The following DNAJB1 variants were observed in gnomAD, a reference collection of about 807,000 sequenced individuals.
DNAJB1 encodes the protein DnaJ heat shock protein family (Hsp40) member B1.
In DNAJB1, 14 loss-of-function variants were observed where a neutral mutation model predicts 24.0. The ratio of observed to expected loss-of-function variants is 0.58; its 90% CI spans 0.39 to 0.91. The LOEUF (loss-of-function observed/expected upper bound fraction) is 0.91. Ranked by LOEUF, DNAJB1 falls within the 40% of genes least tolerant of loss-of-function variation. DNAJB1 has a pLI of 0.00. For missense variants in DNAJB1, 517 were observed against 458.1 expected (o/e 1.13, Z -1.17); for synonymous variants, 262 against 174.4 (o/e 1.50, Z -3.96).
chr19:14,517,391 GT>G, intron 1 of DNAJB1: 1 of 228,570 alleles, frequency 4.4e-6, no homozygotes, highest in South Asian at 1.2e-4. Context: ...TTCGGTAAGT[GT>G]TTACTCTCAA....
intron 1 of DNAJB1, among the ~76,000 whole-genome samples, chr19:14,540,456 G>A (rs910251453): frequency 1.3e-5 from 2 of 151,010 alleles, no homozygotes; most frequent in Admixed American, 6.6e-5. Context: ...GCAGTGGTGC[G>A]ATCTTGGCTC....
At chr19:14,547,854 G>T (rs1328007609) in intron 1 of DNAJB1, among the ~76,000 whole-genome samples, 1 of 150,648 alleles carries the variant, frequency 6.6e-6, no homozygotes, top group African/African-American at 2.4e-5. Flanking sequence ...TAGAAATGGG[G>T]TCTTGCGATG....
upstream of DNAJB1, chr19:14,530,043 T>C: frequency 2.2e-6 from 1 of 456,014 alleles, no homozygotes; most frequent in African/African-American, 2.0e-5. Context: ...TGCGGGACCC[T>C]TGCTCCCAAT....
chr19:14,527,972 C>T (rs1259355275), intron 1 of DNAJB1, among the ~76,000 whole-genome samples: 1 of 151,934 alleles, frequency 6.6e-6, no homozygotes, highest in African/African-American at 2.4e-5. Context: ...CTCACTGCAA[C>T]CTCCACCTCC....
intron 1 of DNAJB1, among the ~76,000 whole-genome samples, chr19:14,543,478 G>A (rs1460834436): frequency 2.7e-4 from 29 of 105,932 alleles, no homozygotes; most frequent in African/African-American, 1.0e-3. Context: ...TCGCTCTGTC[G>A]CCCAGGCTGG....
upstream of DNAJB1, among the ~76,000 whole-genome samples, chr19:14,522,683 G>GACACACAGACAC (rs751484199): frequency 0.012 from 1,444 of 117,876 alleles, 10 homozygotes; most frequent in South Asian, 0.036. Context: ...CACACACACA[G>GACACACAGACAC]ACACACACAC....
At chr19:14,518,005 G>T in intron 1 of DNAJB1, 134 bp downstream of exon 1, 1 of 999,036 alleles carries the variant, frequency 1.0e-6, no homozygotes, top group Non-Finnish European at 1.3e-6. Flanking sequence ...GGAGGCCCGC[G>T]AGGCCGGAGG....
intron 1 of DNAJB1, among the ~76,000 whole-genome samples, chr19:14,555,352 G>A (rs1403168977): frequency 6.6e-6 from 1 of 150,912 alleles, no homozygotes; most frequent in African/African-American, 2.4e-5. Context: ...GGGTTCAAGC[G>A]ATTCTCCTGC....
At chr19:14,559,129 A>C (rs1451383873) in intron 1 of DNAJB1, among the ~76,000 whole-genome samples, 2 of 152,054 alleles carry the variant, frequency 1.3e-5, no homozygotes, top group African/African-American at 2.4e-5. Flanking sequence ...TTTTATTTTG[A>C]TGGGTATGTG....
At chr19:14,542,139 G>T (rs2073115615) in intron 1 of DNAJB1, among the ~76,000 whole-genome samples, 1 of 151,788 alleles carries the variant, frequency 6.6e-6, no homozygotes, top group Non-Finnish European at 1.5e-5. Flanking sequence ...ATGAATTATT[G>T]TTTTTAGTAG....
At chr19:14,555,695 C>A (rs554076772) in intron 1 of DNAJB1, among the ~76,000 whole-genome samples, 2 of 152,230 alleles carry the variant, frequency 1.3e-5, no homozygotes, top group East Asian at 3.9e-4. Flanking sequence ...CCCACCTCAG[C>A]CTCCCAAAGT....
upstream of DNAJB1, among the ~76,000 whole-genome samples, chr19:14,551,933 C>T (rs867505483): frequency 2.4e-4 from 24 of 98,800 alleles, no homozygotes; most frequent in South Asian, 0.012. Flanking sequence ...CTCCCTCTCT[C>T]TCTCCCTCCC....
intron 1 of DNAJB1, chr19:14,527,943 T>C (rs1408725328): frequency 6.6e-6 from 1 of 152,116 alleles, no homozygotes; most frequent in Non-Finnish European, 1.5e-5. Flanking sequence ...CAGGCTGGAG[T>C]GCAGTGGTGC....
rs1022196233 is a variant in DNAJB1 at position 14,537,251 on chromosome 19, A to G, written c.-213-9441T>C. 2.3e-4 allele frequency among the ~76,000 whole-genome samples: 4 copies of G among 17,100 alleles called. No individual in the cohort carries two copies. The South Asian group carries it at 5.2e-3, about 22-fold the overall frequency. The allele number at this position is 17,100 out of a possible 152,430, so 11.2% of individuals were successfully genotyped here. A position where few individuals can be genotyped will look rare whatever the true frequency, so the allele number is the denominator to read the frequency against. ...GGCAAGAAGGAAGCGGCGGGCCTGG[A>G]TGGGGGAGGCGGGACCAGGGAGGGG... On this transcript the variant is annotated intron_variant, in intron 1 of 3. Coordinates refer to the DNAJB1 transcript ENST00000676982.
In DNAJB1 at chr19:14,514,844, G is replaced by C. The variant is rs1305101103; in HGVS notation, c.*1096C>G. 6.6e-6 allele frequency: 1 copy of C among 152,604 alleles called. No individual in the cohort carries two copies. The highest frequency in any genetic ancestry group is 1.5e-5 in the Non-Finnish European group (1 of 68,054). The allele number at this position is 152,604 out of a possible 1,614,324, so 9.5% of individuals were successfully genotyped here. On this transcript the variant is annotated 3_prime_UTR_variant, in exon 3 of 3. Transcript: ENST00000254322. The stretch of plus-strand genomic sequence containing the variant: ...ACACTTTGGTCTCATGTTGGCAGTG[G>C]CAACTTACAATGAGTCTAAAGGTCT...
chr19:14,517,400 C>A, intron 1 of DNAJB1: 3 of 218,854 alleles, frequency 1.4e-5, no homozygotes, highest in Non-Finnish European at 2.7e-5. Flanking sequence ...TGTTTACTCT[C>A]AACGTTTTAG....
intron 1 of DNAJB1, among the ~76,000 whole-genome samples, chr19:14,548,481 G>A (rs1035874813): frequency 2.1e-4 from 32 of 152,154 alleles, no homozygotes; most frequent in Non-Finnish European, 3.5e-4. Context: ...CCTCACTGCC[G>A]TTACCAGGCC....
rs370468593 is a variant in DNAJB1 at position 14,541,045 on chromosome 19, C to T, written c.-214+9163G>A. Among the ~76,000 whole-genome samples, 203 of 152,088 alleles carry T rather than the reference C, an allele frequency of 1.3e-3. 4 individuals carry two copies. In the South Asian group the frequency reaches 0.03, roughly 22 times the overall value. ...TTCACCATGTGGGCCAGGCTGATCT[C>T]GAACTCCTGAGCTCAAGTGATCTGC... On this transcript the variant is annotated intron_variant, in intron 1 of 3. Coordinates refer to the DNAJB1 transcript ENST00000676982.
At chr19:14,541,329 C>T (rs966626332) in intron 1 of DNAJB1, among the ~76,000 whole-genome samples, 3 of 152,162 alleles carry the variant, frequency 2.0e-5, no homozygotes, top group Non-Finnish European at 4.4e-5. Context: ...CCATCCTGCC[C>T]GTGGCTGTCC....
Sources: allele counts gnomAD v4.1 joint callset (sites outside exome capture counted in the v4.1 genomes callset), GRCh38; gene constraint gnomAD v4.1.1; transcripts MANE v1.5; gene names NCBI Gene and HGNC (gene_info 2026-07-23, HGNC 2026-07-21).